The following BIN2 variants were observed in gnomAD, a reference collection of about 807,000 sequenced individuals.
BIN2 encodes the protein bridging integrator 2.
In BIN2, 43 loss-of-function variants were observed where a neutral mutation model predicts 67.9. That is an observed-to-expected ratio of 0.63 (90% CI 0.50 to 0.82). BIN2 has a LOEUF of 0.82. Ranked by LOEUF, BIN2 falls within the 40% of genes least tolerant of loss-of-function variation. BIN2 has a pLI of 0.00. For synonymous variants in BIN2, 244 were observed against 246.8 expected (o/e 0.99, Z 0.11); for missense variants, 581 against 671.6 (o/e 0.87, Z 1.49).
At chr12:51,311,197 G>A (rs778388446) in intron 2 of BIN2, among the ~76,000 whole-genome samples, 8 of 150,212 alleles carry the variant, frequency 5.3e-5, no homozygotes, top group South Asian at 2.1e-4. Context: ...GACCACAGAC[G>A]TGCACCACCA....
chr12:51,321,712 T>C (rs1409200540), intron 1 of BIN2, among the ~76,000 whole-genome samples: 2 of 152,254 alleles, frequency 1.3e-5, no homozygotes, highest in Non-Finnish European at 2.9e-5. Flanking sequence ...AATCACTTTC[T>C]TATATCCCTG....
intron 2 of BIN2, among the ~76,000 whole-genome samples, chr12:51,308,514 C>A (rs952030956): frequency 1.3e-5 from 2 of 152,130 alleles, no homozygotes; most frequent in Non-Finnish European, 2.9e-5. Context: ...GGAGAAAGTT[C>A]TTGTCCTGGG....
chr12:51,295,597 T>A (rs1206156719), intron 9 of BIN2, among the ~76,000 whole-genome samples, 199 bp downstream of exon 9: 191 of 17,604 alleles, frequency 0.011, 17 homozygotes, highest in East Asian at 0.075. Flanking sequence ...TATATATATA[T>A]ATATATATAT....
rs1190155611 is a variant in BIN2 at position 51,291,587 on chromosome 12, T to C, written c.1515+4A>G. On this transcript the variant is annotated splice_donor_region_variant and intron_variant, in intron 10 of 12. Coordinates refer to ENST00000615107, the MANE Select transcript of BIN2 (RefSeq NM_016293.4). Reference sequence around the variant, plus strand: ...ATTAAATACCCAACCAGAACTACTCTTACCTGAGATGTCATTAAGGTGGGG... The same window carrying C: ...ATTAAATACCCAACCAGAACTACTCCTACCTGAGATGTCATTAAGGTGGGG... The C allele has an allele frequency of 1.3e-6, 2 of 1,587,810 alleles. No individual in the cohort carries two copies. Among genetic ancestry groups the C allele is most frequent in the South Asian group, 1.1e-5 (1 of 87,916 alleles).
intron 2 of BIN2, among the ~76,000 whole-genome samples, chr12:51,306,277 C>T (rs542289853): frequency 1.2e-4 from 19 of 152,174 alleles, no homozygotes; most frequent in Admixed American, 1.3e-4. Context: ...AGGTACAGAA[C>T]TGTGATTGTG....
At chr12:51,317,644 G>A (rs564559249) in intron 1 of BIN2, among the ~76,000 whole-genome samples, 6 of 151,688 alleles carry the variant, frequency 4.0e-5, no homozygotes, top group Admixed American at 1.3e-4. Flanking sequence ...GCAACAGAGC[G>A]AAACTCTGTC....
At position 51,284,822 on chromosome 12, in the gene BIN2, C is replaced by T. The variant is rs371833676; in HGVS notation, c.1597-35G>A. 51 of 1,494,990 alleles carry T rather than the reference C, an allele frequency of 3.4e-5. 1 individual carries two copies. Among genetic ancestry groups the T allele is most frequent in the Non-Finnish European group, 4.8e-5 (51 of 1,072,156 alleles). The allele number at this position is 1,494,990 out of a possible 1,614,324, so 92.6% of individuals were successfully genotyped here. A position where few individuals can be genotyped will look rare whatever the true frequency, so the allele number is the denominator to read the frequency against. ...GAAGAGTTCTGCCAGTAAGAGGTGG[C>T]TCAACCTTTCCAGCCTCTCAGCATA... On this transcript the variant is annotated intron_variant, in intron 11 of 12. Transcript: ENST00000615107.
At chr12:51,323,262 T>C (rs980677091) in intron 1 of BIN2, 1 of 152,220 alleles carries the variant, frequency 6.6e-6, no homozygotes, top group Non-Finnish European at 1.5e-5. Context: ...AAATATTCTG[T>C]ACAGGTAGAA....
chr12:51,302,598 C>T (rs927852455), intron 4 of BIN2, 88 bp downstream of exon 4: 2 of 1,149,182 alleles, frequency 1.7e-6, no homozygotes, highest in Non-Finnish European at 2.6e-6. Context: ...CTTTGTTTTC[C>T]TATTTTCTTG....
chr12:51,307,938 G>A (rs1945912663), intron 2 of BIN2, among the ~76,000 whole-genome samples: 1 of 152,078 alleles, frequency 6.6e-6, no homozygotes, highest in Non-Finnish European at 1.5e-5. Flanking sequence ...TTAGAATGAA[G>A]CCTTTTAGTT....
In BIN2 at chr12:51,288,134, T is replaced by C; in HGVS notation, c.1570A>G (p.Lys524Glu). The change falls in exon 11 of 13, where the codon AAG (lysine) becomes GAG (glutamate). Residue 524 changes from lysine to glutamate, a missense_variant. Coordinates refer to ENST00000615107, the MANE Select transcript of BIN2 (RefSeq NM_016293.4). ...TCCGAGGAGTTAGCTGAGATAAGCT[T>C]ATTATCCTTTTCCTTGTCTTCCATC... Reference protein sequence around the residue: ...KKMEDKEKDNKLISANSSEGQ... With the variant: ...KKMEDKEKDNELISANSSEGQ... 6.2e-7 allele frequency: 1 copy of C among 1,613,854 alleles called. No individual in the cohort carries two copies. The highest frequency in any genetic ancestry group is 1.7e-4 in the Middle Eastern group (1 of 6,046).
At chr12:51,320,004 G>A (rs1475878055) in intron 1 of BIN2, among the ~76,000 whole-genome samples, 1 of 132,524 alleles carries the variant, frequency 7.5e-6, no homozygotes, top group African/African-American at 2.9e-5. Context: ...TCTTACTTTC[G>A]AGACAGAGTC....
At chr12:51,323,776 T>C (rs1409242753) in intron 1 of BIN2, among the ~76,000 whole-genome samples, 1 of 152,242 alleles carries the variant, frequency 6.6e-6, no homozygotes, top group Admixed American at 6.5e-5. Flanking sequence ...CCAGAGACTG[T>C]TGTCTCCCCA....
chr12:51,307,758 A>G (rs750368197), intron 2 of BIN2, among the ~76,000 whole-genome samples: 7 of 152,068 alleles, frequency 4.6e-5, no homozygotes, highest in Non-Finnish European at 1.0e-4. Context: ...TAAAGTTCCT[A>G]ATTTTTTCCC....
intron 9 of BIN2, among the ~76,000 whole-genome samples, chr12:51,294,372 G>C (rs574835091): frequency 6.6e-6 from 1 of 152,062 alleles, no homozygotes; most frequent in African/African-American, 2.4e-5. Context: ...TTCAAGACCA[G>C]CCTGGCCAGT....
chr12:51,323,943 C>T lies in BIN2; in HGVS notation c.81+79G>A, dbSNP rs1471446719. 1.6e-5 allele frequency: 25 copies of T among 1,564,558 alleles called. 1 individual carries two copies. Among genetic ancestry groups the T allele is most frequent in the South Asian group, 1.3e-4 (11 of 84,990 alleles). On this transcript the variant is annotated intron_variant, in intron 1 of 12. Coordinates refer to ENST00000615107, the MANE Select transcript of BIN2 (RefSeq NM_016293.4). Reference sequence around the variant, plus strand: ...CTTCGGGGCCCCTGAGCACCCTGCCCGCCCCTCCTGCCCGGCCGGGCTCGG... The same window carrying T: ...CTTCGGGGCCCCTGAGCACCCTGCCTGCCCCTCCTGCCCGGCCGGGCTCGG...
intron 2 of BIN2, 118 bp downstream of exon 2, chr12:51,313,705 G>A (rs1451752309): frequency 5.5e-6 from 5 of 902,642 alleles, no homozygotes; most frequent in African/African-American, 4.9e-5. Flanking sequence ...CTTAACCCTA[G>A]GGGGAGGGTG....
At position 51,305,270 on chromosome 12, in the gene BIN2, A is replaced by C. The variant is rs369381648; in HGVS notation, c.163-2129T>G. 1.2e-4 allele frequency among the ~76,000 whole-genome samples: 18 copies of C among 152,164 alleles called. 1 individual carries two copies. In the South Asian group the frequency reaches 2.3e-3, roughly 19 times the overall value. On this transcript the variant is annotated intron_variant, in intron 2 of 12. Coordinates refer to ENST00000615107, the MANE Select transcript of BIN2 (RefSeq NM_016293.4). Reference sequence around the variant, plus strand: ...AGAATCGCTTGAACCCAGGAGGCAGAGGTGGCAGTGAGCCGAGAGCAAAAC... The same window carrying C: ...AGAATCGCTTGAACCCAGGAGGCAGCGGTGGCAGTGAGCCGAGAGCAAAAC...
intron 1 of BIN2, among the ~76,000 whole-genome samples, chr12:51,317,367 G>A (rs1490013187): frequency 6.6e-6 from 1 of 152,090 alleles, no homozygotes; most frequent in Non-Finnish European, 1.5e-5. Context: ...GGATTTTCTA[G>A]ACTGAAATAG....
Sources: gnomAD v4.1 joint callset for allele counts (sites outside exome capture counted in the v4.1 genomes callset) on GRCh38, gnomAD v4.1.1 for gene constraint, MANE v1.5 for transcripts, NCBI Gene and HGNC (gene_info 2026-07-23, HGNC 2026-07-21) for gene names.